The following DNM1 variants were observed in gnomAD, a reference collection of about 807,000 sequenced individuals.
DNM1 encodes the protein dynamin-1.
In DNM1, 29 loss-of-function variants were observed where a neutral mutation model predicts 104.6. The observed-to-expected ratio is 0.28, with a 90% confidence interval of 0.21 to 0.38. The LOEUF is 0.38. DNM1 is among the 10% of genes least tolerant of loss of function. DNM1 has a pLI of 1.00. For synonymous variants in DNM1, 445 were observed against 475.8 expected (o/e 0.94, Z 0.84); for missense variants, 640 against 1,189.4 (o/e 0.54, Z 6.79).
In DNM1 at chr9:128,233,789, C is replaced by G. The variant is rs550453752; in HGVS notation, c.1336-232C>G. 88 of 566,320 alleles carry G rather than the reference C, an allele frequency of 1.6e-4. No homozygotes were observed. In the Admixed American group the frequency reaches 2.2e-3, roughly 14 times the overall value. 35.1% of individuals were successfully genotyped at this position (566,320 alleles called of 1,614,324 possible). A position where few individuals can be genotyped will look rare whatever the true frequency, so the allele number is the denominator to read the frequency against. ...CCCAGGTAGGCCAGTGAAGAGGGCC[C>G]GGAACCAGGAAGACCCTTGAATCAC... is the stretch of plus-strand genomic sequence containing the variant. On this transcript the variant is annotated intron_variant, in intron 10 of 21. Coordinates refer to ENST00000372923, the MANE Select transcript of DNM1 (RefSeq NM_004408.4).
At chr9:128,238,837 A>G (rs1217828018) in intron 11 of DNM1, among the ~76,000 whole-genome samples, 1 of 148,586 alleles carries the variant, frequency 6.7e-6, no homozygotes, top group Non-Finnish European at 1.5e-5. Flanking sequence ...TTGTATTTTT[A>G]GTAGAGACGG....
Position 128,252,353 on chromosome 9 carries a change from G to A in DNM1, c.2534+1413G>A, listed in dbSNP as rs1266457785. On this transcript the variant is annotated intron_variant, in intron 21 of 21. Transcript: ENST00000372923. ...CTTGCTAACACACATGAAACATTTG[G>A]CAAATCATGACCCTACCTTGGGGAA... is the stretch of plus-strand genomic sequence containing the variant. 3.0e-5 allele frequency: 11 copies of A among 371,106 alleles called. No homozygotes were observed. The Admixed American group carries it at 4.1e-4, about 14-fold the overall frequency. The allele number at this position is 371,106 out of a possible 1,614,324, so 23.0% of individuals were successfully genotyped here. A position where few individuals can be genotyped will look rare whatever the true frequency, so the allele number is the denominator to read the frequency against.
chr9:128,219,275 A>G (rs1288245510), intron 4 of DNM1, 23 bp downstream of exon 4: 1 of 1,606,370 alleles, frequency 6.2e-7, no homozygotes, highest in East Asian at 2.2e-5. Flanking sequence ...CCGGTGGCCA[A>G]TGCACAAAAC....
Position 128,248,022 on chromosome 9 carries a change from T to A in DNM1, c.1905+87T>A. 6.4e-7 allele frequency: 1 copy of A among 1,570,116 alleles called. No individual in the cohort carries two copies. Among genetic ancestry groups the A allele is most frequent in the Non-Finnish European group, 8.8e-7 (1 of 1,140,482 alleles). On this transcript the variant is annotated intron_variant, in intron 18 of 21. Coordinates refer to ENST00000372923, the MANE Select transcript of DNM1 (RefSeq NM_004408.4). The surrounding 1 kb of genome is among the most constrained non-coding windows in gnomAD (Gnocchi z 5.6). ...GGTTTTCAAGCAAGGGACCTGGAGA[T>A]GTTCTTTTCTAATTTCTGGATTGGG...
chr9:128,234,126 G>C lies in DNM1; in HGVS notation c.1422+19G>C, dbSNP rs1440002003. 6.6e-7 allele frequency: 1 copy of C among 1,512,622 alleles called. No homozygotes were observed. The highest frequency in any genetic ancestry group is 1.4e-5 in the African/African-American group (1 of 71,918). The allele number at this position is 1,512,622 out of a possible 1,614,324, so 93.7% of individuals were successfully genotyped here. ...GGAGCAGGTGAGCCCCGCAGCACCC[G>C]GCCTGGCCGCGCCTTCCTTCCACTC... On this transcript the variant is annotated intron_variant, in intron 11 of 21. Coordinates refer to ENST00000372923, the MANE Select transcript of DNM1 (RefSeq NM_004408.4).
At chr9:128,213,829 G>A (rs1045635525) in intron 1 of DNM1, among the ~76,000 whole-genome samples, 7 of 152,110 alleles carry the variant, frequency 4.6e-5, no homozygotes, top group Admixed American at 4.6e-4. Context: ...CCCTGCTCCC[G>A]GGGCCATCAG....
rs1310037398 is a variant in DNM1 at position 128,247,396 on chromosome 9, G to A, written c.1803G>A (p.Arg601=). The A allele has an allele frequency of 6.2e-7, 1 of 1,612,706 alleles. No individual in the cohort carries two copies. Among genetic ancestry groups the A allele is most frequent in the Non-Finnish European group, 8.5e-7 (1 of 1,179,200 alleles). ...TEQRNVYKDY[R]QLELACETQE... ...GCAGGAATGTCTACAAGGATTATCG[G>A]CAGCTGGAGCTAGCCTGTGAGACAC... Residue 601 remains arginine (R), a synonymous_variant, in exon 17 of 22, where the codon CGG becomes CGA. Coordinates refer to ENST00000372923, the MANE Select transcript of DNM1 (RefSeq NM_004408.4). This position sits in a 1 kb window ranked among gnomAD's most constrained non-coding sequence, Gnocchi z 5.1.
At position 128,218,799 on chromosome 9, in the gene DNM1, G is replaced by C; in HGVS notation, c.385+68G>C. The C allele has an allele frequency of 1.3e-6, 2 of 1,501,940 alleles. No individual in the cohort carries two copies. The highest frequency in any genetic ancestry group is 1.8e-6 in the Non-Finnish European group (2 of 1,121,630). The allele number at this position is 1,501,940 out of a possible 1,614,324, so 93.0% of individuals were successfully genotyped here. A position where few individuals can be genotyped will look rare whatever the true frequency, so the allele number is the denominator to read the frequency against. On this transcript the variant is annotated intron_variant, in intron 3 of 21. Coordinates refer to ENST00000372923, the MANE Select transcript of DNM1 (RefSeq NM_004408.4). The surrounding 1 kb of genome is among the most constrained non-coding windows in gnomAD (Gnocchi z 4.8). Reference sequence around the variant, plus strand: ...TTGGCCACGCACCTCTGCGTGCCTCGCTCCTCCTGCAGACTCCGCCCCTAG... The same window carrying C: ...TTGGCCACGCACCTCTGCGTGCCTCCCTCCTCCTGCAGACTCCGCCCCTAG...
rs953015629 is a variant in DNM1 at position 128,243,438 on chromosome 9, C to A, written c.1671+1093C>A. Among the ~76,000 whole-genome samples, 2 of 152,182 alleles carry A rather than the reference C, an allele frequency of 1.3e-5. No homozygotes were observed. Among genetic ancestry groups the A allele is most frequent in the Admixed American group, 6.5e-5 (1 of 15,288 alleles). ...GCCTGTGATTTTGGCCTCCAAGCCC[C>A]CTCCCAGGTCCCTGTCTCCTCCAAG... On this transcript the variant is annotated intron_variant, in intron 15 of 21. Coordinates refer to ENST00000372923, the MANE Select transcript of DNM1 (RefSeq NM_004408.4). The surrounding 1 kb of genome is among the most constrained non-coding windows in gnomAD (Gnocchi z 4.0).
At chr9:128,239,842 A>C (rs949164839) in intron 13 of DNM1, 63 bp downstream of exon 13, 1 of 1,578,060 alleles carries the variant, frequency 6.3e-7, no homozygotes, top group Non-Finnish European at 8.7e-7. Flanking sequence ...CCAGACTCTG[A>C]GAGCCCCCTC....
At position 128,242,273 on chromosome 9, in the gene DNM1, C is replaced by T; in HGVS notation, c.1599C>T (p.Ile533=). Reference sequence around the variant, plus strand: ...GGCTGACTATCAATAATATTGGCATCATGAAAGGGGGCTCCAAGGAGTACT... The same window carrying T: ...GGCTGACTATCAATAATATTGGCATTATGAAAGGGGGCTCCAAGGAGTACT... ...KGWLTINNIG[I]MKGGSKEYWF... The change falls in exon 15 of 22, where the codon ATC becomes ATT. Residue 533 remains isoleucine (I), a synonymous_variant. Transcript: ENST00000372923. 6.2e-7 allele frequency: 1 copy of T among 1,613,314 alleles called. No individual in the cohort carries two copies. The highest frequency in any genetic ancestry group is 8.5e-7 in the Non-Finnish European group (1 of 1,179,254).
chr9:128,248,770 A>G lies in DNM1; in HGVS notation c.2076+17A>G, dbSNP rs1361466672. The G allele has an allele frequency of 1.2e-6, 2 of 1,606,610 alleles. No individual in the cohort carries two copies. The highest frequency in any genetic ancestry group is 3.3e-5 in the Admixed American group (2 of 59,910). On this transcript the variant is annotated intron_variant, in intron 19 of 21. Transcript: ENST00000372923. The surrounding 1 kb of genome is among the most constrained non-coding windows in gnomAD (Gnocchi z 5.6). ...ATTAACAATGTGCGTGCTCCACTGC[A>G]TGGGGGCAGGGAAATCCTGTGGCAC...
chr9:128,236,529 C>T (rs1180556694), intron 11 of DNM1, among the ~76,000 whole-genome samples: 1 of 152,166 alleles, frequency 6.6e-6, no homozygotes, highest in Non-Finnish European at 1.5e-5. Context: ...CTTCCCCACC[C>T]CTAGTTCTTC....
At chr9:128,221,031 TTCTTTCTC>T (rs1464409735) in intron 6 of DNM1, 1 of 140,054 alleles carries the variant, frequency 7.1e-6, no homozygotes, top group Middle Eastern at 3.2e-3. Context: ...TTCTCTTTCT[TTCTTTCTC>T]TCTTTCTTTC....
chr9:128,222,354 G>T lies in DNM1; in HGVS notation c.992+15G>T, dbSNP rs1835074014. 1 of 1,611,020 alleles carries T rather than the reference G, an allele frequency of 6.2e-7. No individual in the cohort carries two copies. Among genetic ancestry groups the T allele is most frequent in the African/African-American group, 1.3e-5 (1 of 74,868 alleles). On this transcript the variant is annotated intron_variant, in intron 7 of 21. Transcript: ENST00000372923. This position sits in a 1 kb window ranked among gnomAD's most constrained non-coding sequence, Gnocchi z 7.8. ...GCCCTGCTGCAGTGAGGCTCCCCCAGCTCCTATCACTGAATCCCCGCCCCC... is the reference window on the plus strand; with the variant it reads ...GCCCTGCTGCAGTGAGGCTCCCCCATCTCCTATCACTGAATCCCCGCCCCC...
intron 10 of DNM1, chr9:128,232,271 T>G (rs1835742441): frequency 1.2e-5 from 4 of 332,122 alleles, no homozygotes; most frequent in South Asian, 9.0e-5. Context: ...CCCAAATGTC[T>G]GCCCAGACTT....
chr9:128,224,404 C>G lies in DNM1; in HGVS notation c.1335+15C>G, dbSNP rs779719063. On this transcript the variant is annotated intron_variant, in intron 10 of 21. Coordinates refer to ENST00000372923, the MANE Select transcript of DNM1 (RefSeq NM_004408.4). The surrounding 1 kb of genome is among the most constrained non-coding windows in gnomAD (Gnocchi z 4.3). ...GCACCAAGAAGGTAACCCGGAGGCC[C>G]GGGCCAGCCCCCACCGCCTCTGCCC... The G allele has an allele frequency of 1.9e-6, 3 of 1,602,356 alleles. No individual in the cohort carries two copies. The highest frequency in any genetic ancestry group is 3.4e-5 in the Admixed American group (2 of 59,538).
rs1321656202 is a variant in DNM1 at position 128,250,867 on chromosome 9, G to T, written c.2461G>T (p.Ala821Ser). Residue 821 changes from alanine (A) to serine (S), a missense_variant, in exon 21 of 22, where the codon GCT (alanine) becomes TCT (serine). Transcript: ENST00000372923. ...GCCCCCCGTGCCCTCCAGGCCGGGG[G>T]CTTCCCCTGACCCTTTCGGCCCTCC... Reference protein sequence around the residue: ...GAPPVPSRPGASPDPFGPPPQ... With the variant: ...GAPPVPSRPGSSPDPFGPPPQ... The T allele has an allele frequency of 7.6e-7, 1 of 1,316,638 alleles. No individual in the cohort carries two copies. Among genetic ancestry groups the T allele is most frequent in the Non-Finnish European group, 9.6e-7 (1 of 1,039,772 alleles). The allele number at this position is 1,316,638 out of a possible 1,614,324, so 81.6% of individuals were successfully genotyped here. A position where few individuals can be genotyped will look rare whatever the true frequency, so the allele number is the denominator to read the frequency against.
rs1458911841 is a variant in DNM1, at chr9:128,240,721, C to G, written c.1557+725C>G. 6.6e-6 allele frequency: 1 copy of G among 152,366 alleles called. No individual in the cohort carries two copies. Among genetic ancestry groups the G allele is most frequent in the African/African-American group, 2.4e-5 (1 of 41,440 alleles). 9.4% of individuals were successfully genotyped at this position (152,366 alleles called of 1,614,324 possible). Reference sequence around the variant, plus strand: ...TAGTATCAGGACAATTCAATTCAGCCAACACTAGCTGGTGCCTACACGGTG... The same window carrying G: ...TAGTATCAGGACAATTCAATTCAGCGAACACTAGCTGGTGCCTACACGGTG... On this transcript the variant is annotated intron_variant, in intron 14 of 21. Transcript: ENST00000372923. The surrounding 1 kb of genome is among the most constrained non-coding windows in gnomAD (Gnocchi z 5.1).
Sources: allele counts gnomAD v4.1 joint callset (sites outside exome capture counted in the v4.1 genomes callset), GRCh38; gene constraint gnomAD v4.1.1; non-coding constraint Gnocchi (gnomAD v3.1); transcripts MANE v1.5; gene names NCBI Gene and HGNC (gene_info 2026-07-23, HGNC 2026-07-21).